The following WDR7 variants were observed in gnomAD, a reference collection of about 807,000 sequenced individuals.
WDR7 encodes WD repeat-containing protein 7.
In WDR7, 46 loss-of-function variants were observed where a neutral mutation model predicts 169.4. The ratio of observed to expected loss-of-function variants is 0.27; its 90% CI spans 0.21 to 0.35. The LOEUF (loss-of-function observed/expected upper bound fraction) is 0.35, where lower values mean the gene tolerates loss of function less well. Ranked by LOEUF, WDR7 falls within the 10% of genes least tolerant of loss-of-function variation. WDR7 has a pLI of 1.00. For missense variants in WDR7, 1,534 were observed against 1,859.3 expected, an observed-to-expected ratio of 0.83 and a Z score of 3.22; for synonymous variants, 612 against 666.8, an observed-to-expected ratio of 0.92 and a Z score of 1.27.
intron 13 of WDR7, among the ~76,000 whole-genome samples, chr18:56,726,236 C>G (rs1351634949): frequency 6.6e-6 from 1 of 152,102 alleles, no homozygotes; most frequent in Admixed American, 6.6e-5. Context: ...TATAAATTAC[C>G]TTGGGCAGTA....
intron 14 of WDR7, among the ~76,000 whole-genome samples, chr18:56,742,580 T>A (rs192653538): frequency 6.6e-6 from 1 of 152,288 alleles, no homozygotes; most frequent in East Asian, 1.9e-4. Flanking sequence ...CTGTGTTAGG[T>A]CCTGGGGAAC....
At chr18:56,804,175 C>T (rs2044726422) in intron 19 of WDR7, among the ~76,000 whole-genome samples, 1 of 152,168 alleles carries the variant, frequency 6.6e-6, no homozygotes, top group African/African-American at 2.4e-5. Flanking sequence ...ACAAAGGCAG[C>T]CTGGCTGGGT....
At position 56,756,696 on chromosome 18, in the gene WDR7, A is replaced by G. The variant is rs2043895687; in HGVS notation, c.2103A>G (p.Gln701=). 2 of 1,613,922 alleles carry G rather than the reference A, an allele frequency of 1.2e-6. No individual in the cohort carries two copies. The highest frequency in any genetic ancestry group is 1.3e-5 in the African/African-American group (1 of 74,870). The change falls in exon 15 of 28, where the codon CAA becomes CAG. Residue 701 remains glutamine, a synonymous_variant. Coordinates refer to ENST00000254442, the MANE Select transcript of WDR7 (RefSeq NM_015285.3). ...LFFDVEALII[Q]LLTEEASRPN... is the part of the protein sequence containing the mutation. Reference sequence around the variant, plus strand: ...TTGATGTGGAAGCGTTGATTATTCAACTCCTGACTGAAGAAGCCTCTAGGC... The same window carrying G: ...TTGATGTGGAAGCGTTGATTATTCAGCTCCTGACTGAAGAAGCCTCTAGGC...
At chr18:56,750,547 G>A (rs1036799512) in intron 14 of WDR7, among the ~76,000 whole-genome samples, 2 of 152,138 alleles carry the variant, frequency 1.3e-5, no homozygotes, top group Non-Finnish European at 2.9e-5. Flanking sequence ...CTTCTTCCAC[G>A]ATAATGTAAA....
intron 16 of WDR7, among the ~76,000 whole-genome samples, chr18:56,767,216 C>G (rs1198106444): frequency 6.6e-6 from 1 of 152,156 alleles, no homozygotes; most frequent in African/African-American, 2.4e-5. Flanking sequence ...GTTTCTGGTC[C>G]TTTAGATATT....
chr18:56,721,023 T>C (rs971769529), intron 13 of WDR7, among the ~76,000 whole-genome samples: 7 of 151,976 alleles, frequency 4.6e-5, no homozygotes, highest in African/African-American at 1.7e-4. Flanking sequence ...ATTGACATTA[T>C]TTATTTATTA....
chr18:56,672,753 G>T, intron 2 of WDR7, 79 bp downstream of exon 2: 1 of 1,300,202 alleles, frequency 7.7e-7, no homozygotes, highest in South Asian at 2.1e-5. Context: ...CCCAAATGAT[G>T]CTTTTGGGCC....
chr18:57,005,121 G>A (rs2048037248), intron 26 of WDR7, among the ~76,000 whole-genome samples: 1 of 152,058 alleles, frequency 6.6e-6, no homozygotes, highest in South Asian at 2.1e-4. Flanking sequence ...GTACAATGCT[G>A]TATCTAACCA....
intron 14 of WDR7, among the ~76,000 whole-genome samples, chr18:56,739,542 CT>C (rs1463027572): frequency 6.6e-6 from 1 of 152,010 alleles, no homozygotes; most frequent in Non-Finnish European, 1.5e-5. Context: ...TCTTTTTGTA[CT>C]TTACATTTTT....
chr18:56,874,297 G>A (rs778830744), intron 20 of WDR7, among the ~76,000 whole-genome samples: 4 of 151,826 alleles, frequency 2.6e-5, no homozygotes, highest in Non-Finnish European at 5.9e-5. Context: ...GTATGGTTAC[G>A]CATTTAGGTG....
chr18:56,699,819 G>T, intron 12 of WDR7: 9 of 985,400 alleles, frequency 9.1e-6, no homozygotes, highest in Non-Finnish European at 1.1e-5. Context: ...GTGAAAAACT[G>T]TCTGCTAGGT....
chr18:56,665,469 A>G (rs147229652), intron 1 of WDR7, among the ~76,000 whole-genome samples: 1 of 127,706 alleles, frequency 7.8e-6, no homozygotes, highest in African/African-American at 2.7e-5. Flanking sequence ...TCCTCTTCCT[A>G]GTCTTCCTCT....
At chr18:56,730,782 A>G (rs905703140) in intron 13 of WDR7, among the ~76,000 whole-genome samples, 1 of 152,106 alleles carries the variant, frequency 6.6e-6, no homozygotes, top group African/African-American at 2.4e-5. Flanking sequence ...ATAAAAAATA[A>G]AAAATAAATA....
At chr18:56,896,271 A>T (rs2046331744) in intron 21 of WDR7, among the ~76,000 whole-genome samples, 1 of 151,864 alleles carries the variant, frequency 6.6e-6, no homozygotes, top group Non-Finnish European at 1.5e-5. Flanking sequence ...TGATAGATTA[A>T]TACCATTCCA....
intron 26 of WDR7, among the ~76,000 whole-genome samples, chr18:56,991,371 T>A (rs1292176347): frequency 1.3e-5 from 2 of 152,098 alleles, no homozygotes; most frequent in African/African-American, 4.8e-5. Context: ...GGTCTCGATC[T>A]TCTGACCTCG....
chr18:56,877,580 A>G (rs777196233), intron 20 of WDR7, among the ~76,000 whole-genome samples: 20 of 152,210 alleles, frequency 1.3e-4, no homozygotes, highest in Non-Finnish European at 2.6e-4. Context: ...TCACTTATGG[A>G]CATGGATATA....
At chr18:56,859,747 C>T (rs2045775904) in intron 20 of WDR7, among the ~76,000 whole-genome samples, 1 of 151,990 alleles carries the variant, frequency 6.6e-6, no homozygotes, top group Non-Finnish European at 1.5e-5. Flanking sequence ...CATTTGTGAC[C>T]ATTGAACTTA....
At chr18:56,891,355 T>C (rs917488570) in intron 21 of WDR7, among the ~76,000 whole-genome samples, 1 of 152,108 alleles carries the variant, frequency 6.6e-6, no homozygotes, top group African/African-American at 2.4e-5. Context: ...ACTTTGTGGC[T>C]CGATTTCCTT....
intron 21 of WDR7, among the ~76,000 whole-genome samples, chr18:56,912,071 G>A (rs915274033): frequency 2.6e-5 from 4 of 152,164 alleles, no homozygotes; most frequent in Non-Finnish European, 4.4e-5. Context: ...CCCCCTTCAC[G>A]GATGTTTAAT....
Sources: gnomAD v4.1 joint callset for allele counts (sites outside exome capture counted in the v4.1 genomes callset) on GRCh38, gnomAD v4.1.1 for gene constraint, MANE v1.5 for transcripts, NCBI Gene and HGNC (gene_info 2026-07-23, HGNC 2026-07-21) for gene names.